Variants in THOP1 observed in about 807,000 individuals in gnomAD.
THOP1 encodes the protein thimet oligopeptidase 1, also known as thimet oligopeptidase.
A neutral mutation model predicts 71.8 loss-of-function variants in THOP1; 49 were observed. The ratio of observed to expected loss-of-function variants is 0.68; its 90% CI spans 0.54 to 0.87. The LOEUF is 0.87. Among genes scored for constraint, THOP1 ranks in the 40% least tolerant of loss-of-function variants. The pLI is 0.00. For synonymous variants in THOP1, 426 were observed against 421.5 expected (o/e 1.01, Z -0.13); for missense variants, 843 against 975.6 (o/e 0.86, Z 1.81).
chr19:2,810,409 A>G lies in THOP1; in HGVS notation c.1561A>G (p.Met521Val). Residue 521 changes from methionine (M) to valine (V), a missense_variant, in exon 10 of 13, where the codon ATG (methionine) becomes GTG (valine). Transcript: ENST00000307741. ...WVWEQEPLLR[M>V]SRHYRTGSAV... ...GTGGGAGCAGGAGCCGCTGCTGCGGATGTCGCGGCACTACCGCACAGGCAG... is the reference window on the plus strand; with the variant it reads ...GTGGGAGCAGGAGCCGCTGCTGCGGGTGTCGCGGCACTACCGCACAGGCAG... The G allele has an allele frequency of 1.2e-6, 2 of 1,608,986 alleles. No individual in the cohort carries two copies. Among genetic ancestry groups the G allele is most frequent in the Non-Finnish European group, 1.7e-6 (2 of 1,179,198 alleles).
At chr19:2,794,958 G>A (rs757932415) in intron 3 of THOP1, 46 bp downstream of exon 3, 13 of 1,580,478 alleles carry the variant, frequency 8.2e-6, no homozygotes, top group African/African-American at 2.7e-5. Flanking sequence ...CAAGTAACTA[G>A]GATTACAGGC....
chr19:2,798,587 A>C (rs541839815), intron 4 of THOP1, among the ~76,000 whole-genome samples: 1 of 152,342 alleles, frequency 6.6e-6, no homozygotes, highest in South Asian at 2.1e-4. Flanking sequence ...TGGGTTTGTT[A>C]TGTGAGATGG....
chr19:2,796,164 T>G lies in THOP1; in HGVS notation c.462T>G (p.Leu154=). The G allele has an allele frequency of 6.2e-7, 1 of 1,613,594 alleles. No homozygotes were observed. Among genetic ancestry groups the G allele is most frequent in the Non-Finnish European group, 8.5e-7 (1 of 1,179,874 alleles). Reference sequence around the variant, plus strand: ...TCAAGCTGGGCCGGAGAAATGGGCTTCACCTCCCCAGAGAGACTCAGGAAG... The same window carrying G: ...TCAAGCTGGGCCGGAGAAATGGGCTGCACCTCCCCAGAGAGACTCAGGAAG... The part of the protein sequence containing the change: ...RLIKLGRRNG[L]HLPRETQENI... The change falls in exon 4 of 13, where the codon CTT becomes CTG. Residue 154 remains leucine (L), a synonymous_variant. Coordinates refer to ENST00000307741, the MANE Select transcript of THOP1 (RefSeq NM_003249.5).
intron 4 of THOP1, among the ~76,000 whole-genome samples, chr19:2,798,862 G>A (rs1203337537): frequency 1.3e-5 from 2 of 152,216 alleles, no homozygotes; most frequent in Admixed American, 1.3e-4. Flanking sequence ...CTGCCAGCCT[G>A]TCATGTGTCA....
intron 5 of THOP1, among the ~76,000 whole-genome samples, chr19:2,802,094 T>C (rs2741991): frequency 0.46 from 67,583 of 146,238 alleles, 17,823 homozygotes; most frequent in African/African-American, 0.73. Context: ...CTCCCAATAC[T>C]GCTACCTCTC....
intron 1 of THOP1, 57 bp downstream of exon 1, chr19:2,785,735 G>C: frequency 7.5e-7 from 1 of 1,335,192 alleles, no homozygotes; most frequent in Non-Finnish European, 9.6e-7. Flanking sequence ...GCTCCTCCCG[G>C]GGTCGCGACT....
chr19:2,813,248 G>T lies in THOP1; in HGVS notation c.2042G>T (p.Gly681Val), dbSNP rs1014934293. ...CTGAGCAAGGGGCTGCAGGTCGGGG[G>T]CTGCGAGCCCGAGCCGCAGGTCTGC... ...FLLSKGLQVG[G>V]CEPEPQVC Residue 681 changes from glycine (G) to valine (V), a missense_variant, in exon 13 of 13, where the codon GGC (glycine) becomes GTC (valine). Transcript: ENST00000307741. 5.0e-6 allele frequency: 8 copies of T among 1,610,550 alleles called. No individual in the cohort carries two copies. Among genetic ancestry groups the T allele is most frequent in the Admixed American group, 1.7e-5 (1 of 59,896 alleles).
intron 2 of THOP1, among the ~76,000 whole-genome samples, chr19:2,791,705 A>G (rs1599519483): frequency 6.6e-6 from 1 of 152,146 alleles, no homozygotes; most frequent in Non-Finnish European, 1.5e-5. Flanking sequence ...TATGGCGCCC[A>G]GCGGTGCCAG....
At position 2,796,103 on chromosome 19, in the gene THOP1, T is replaced by C; in HGVS notation, c.401T>C (p.Leu134Pro). 2 of 1,613,900 alleles carry C rather than the reference T, an allele frequency of 1.2e-6. No homozygotes were observed. The highest frequency in any genetic ancestry group is 1.1e-5 in the South Asian group (1 of 91,080). Residue 134 changes from leucine to proline, a missense_variant, in exon 4 of 13, where the codon CTG (leucine) becomes CCG (proline). Leu to Pro is a moderately conservative substitution (Grantham distance 98). Transcript: ENST00000307741. ...CAGGAGAAAGTTCAGAAGGACTCAC[T>C]GAGGCCCGAGGCTGCGCGGTACCTG... is the stretch of plus-strand genomic sequence containing the variant. ...WLQEKVQKDS[L>P]RPEAARYLER...
intron 11 of THOP1, among the ~76,000 whole-genome samples, chr19:2,811,338 T>C (rs1916455934): frequency 1.3e-5 from 2 of 152,212 alleles, no homozygotes; most frequent in African/African-American, 4.8e-5. Flanking sequence ...AGTCTCAAAA[T>C]GGGGACTTTG....
intron 2 of THOP1, among the ~76,000 whole-genome samples, chr19:2,791,193 C>T (rs1391597487): frequency 4.6e-5 from 7 of 152,188 alleles, no homozygotes; most frequent in Middle Eastern, 3.2e-3. Flanking sequence ...CCTGTGCTCA[C>T]GGTGAGGAGT....
Position 2,807,038 on chromosome 19 carries a change from T to C in THOP1, c.872T>C (p.Val291Ala). 1 of 1,610,418 alleles carries C rather than the reference T, an allele frequency of 6.2e-7. No individual in the cohort carries two copies. The highest frequency in any genetic ancestry group is 8.5e-7 in the Non-Finnish European group (1 of 1,178,724). Residue 291 changes from valine to alanine, a missense_variant, in exon 7 of 13, where the codon GTG (valine) becomes GCG (alanine). Transcript: ENST00000307741. ...AACATGGCCAAGACCAGCCAGACCG[T>C]GGCCACCTTCCTAGGTAGCCCTTCC... ...EMNMAKTSQT[V>A]ATFLDELAQK...
intron 2 of THOP1, among the ~76,000 whole-genome samples, chr19:2,791,925 G>A (rs1016623820): frequency 7.9e-5 from 12 of 152,170 alleles, no homozygotes; most frequent in African/African-American, 2.2e-4. Context: ...CAGTCTCCTC[G>A]TGCCTGGCAC....
rs770896235 is a variant in THOP1 at position 2,811,581 on chromosome 19, C to T, written c.1772-17C>T. The T allele has an allele frequency of 6.2e-7, 1 of 1,609,442 alleles. No individual in the cohort carries two copies. The highest frequency in any genetic ancestry group is 1.1e-5 in the South Asian group (1 of 90,646). ...GGTGGGGGCTACAGCGTGAACCCTG[C>T]CATGTGTCCGCCCCAGGAACCAACA... On this transcript the variant is annotated splice_polypyrimidine_tract_variant and intron_variant, in intron 11 of 12. Transcript: ENST00000307741.
chr19:2,794,251 G>C (rs1279624790), intron 2 of THOP1, among the ~76,000 whole-genome samples: 2 of 152,110 alleles, frequency 1.3e-5, no homozygotes, highest in Non-Finnish European at 2.9e-5. Flanking sequence ...CTGACCTCAA[G>C]TGATCTGCCT....
chr19:2,799,505 G>C (rs896599357), intron 4 of THOP1, among the ~76,000 whole-genome samples, 184 bp from the exon 5 acceptor site: 1 of 152,162 alleles, frequency 6.6e-6, no homozygotes, highest in East Asian at 1.9e-4. Flanking sequence ...GCGCAGCCTC[G>C]TGGCCTCCGT....
chr19:2,810,997 C>T (rs1347330292), intron 11 of THOP1, among the ~76,000 whole-genome samples: 1 of 152,208 alleles, frequency 6.6e-6, no homozygotes, highest in African/African-American at 2.4e-5. Context: ...GAGTGTGTTC[C>T]CTGGAGCCTC....
chr19:2,797,696 C>T (rs1407457415), intron 4 of THOP1, among the ~76,000 whole-genome samples: 1 of 152,224 alleles, frequency 6.6e-6, no homozygotes, highest in African/African-American at 2.4e-5. Context: ...TTATGATATT[C>T]ACAACTCACG....
At position 2,809,769 on chromosome 19, in the gene THOP1, G is replaced by A. The variant is rs550402483; in HGVS notation, c.1456-535G>A. 76 of 154,798 alleles carry A rather than the reference G, an allele frequency of 4.9e-4. 1 individual carries two copies. The highest frequency in any genetic ancestry group is 3.0e-4 in the Non-Finnish European group (21 of 69,762). The allele number at this position is 154,798 out of a possible 1,614,324, so 9.6% of individuals were successfully genotyped here. The stretch of plus-strand genomic sequence containing the variant: ...CACGGCGAGTCCCTTGGTGCATTCC[G>A]TCGGGACAAGGAGTGTGGCTGCGTG... On this transcript the variant is annotated intron_variant, in intron 9 of 12. Transcript: ENST00000307741.
Sources: gnomAD v4.1 joint callset for allele counts (sites outside exome capture counted in the v4.1 genomes callset) on GRCh38, gnomAD v4.1.1 for gene constraint, MANE v1.5 for transcripts, NCBI Gene and HGNC (gene_info 2026-07-23, HGNC 2026-07-21) for gene names.